ERH: variants seen among roughly 807,000 people sequenced by gnomAD.
The protein encoded by ERH is ERH mRNA splicing and mitosis factor.
In ERH, 1 loss-of-function variant was observed where a neutral mutation model predicts 16.8. The observed-to-expected ratio is 0.06, with a 90% confidence interval of 0.02 to 0.28. ERH has a LOEUF of 0.28. ERH is among the 10% of genes least tolerant of loss of function. The pLI is 1.00. For synonymous variants in ERH, 43 were observed against 43.6 expected (o/e 0.99, Z 0.05); for missense variants, 42 against 127.5 (o/e 0.33, Z 3.23).
intron 2 of ERH, among the ~76,000 whole-genome samples, chr14:69,388,544 T>G (rs932030408): frequency 2.0e-5 from 3 of 152,158 alleles, no homozygotes; most frequent in Admixed American, 1.3e-4. Flanking sequence ...GTATTTTTAG[T>G]AGAGACGGGG....
intron 3 of ERH, among the ~76,000 whole-genome samples, chr14:69,384,644 G>C (rs1420182145): frequency 6.6e-6 from 1 of 152,072 alleles, no homozygotes; most frequent in African/African-American, 2.4e-5. Flanking sequence ...GCAGAATATA[G>C]CTCTGTAATA....
chr14:69,389,935 T>C (rs1382755573), intron 2 of ERH, among the ~76,000 whole-genome samples: 1 of 152,174 alleles, frequency 6.6e-6, no homozygotes, highest in African/African-American at 2.4e-5. Flanking sequence ...ATTTTTGTAC[T>C]TTTTGGAGAG....
Position 69,380,604 on chromosome 14 carries a change from G to C in ERH, c.249C>G (p.Asn83Lys). 6.4e-7 allele frequency: 1 copy of C among 1,573,254 alleles called. No individual in the cohort carries two copies. Among genetic ancestry groups the C allele is most frequent in the South Asian group, 1.1e-5 (1 of 88,610 alleles). Residue 83 changes from asparagine to lysine, a missense_variant, in exon 4 of 4, where the codon AAC becomes AAG. Coordinates refer to ENST00000557016, the MANE Select transcript of ERH (RefSeq NM_004450.3). ...AGATCTTCTCTTTAATCCAGTCTTT[G>C]TTATAAGGCTGGTATGTCTGGGTAT... ...RADTQTYQPY[N>K]KDWIKEKIYV...
intron 2 of ERH, among the ~76,000 whole-genome samples, chr14:69,390,029 GA>G (rs1469846002): frequency 6.6e-6 from 1 of 151,856 alleles, no homozygotes; most frequent in Non-Finnish European, 1.5e-5. Context: ...AAAGTCCTGG[GA>G]TAACAGGTGT....
chr14:69,388,581 T>G lies in ERH; in HGVS notation c.92-1498A>C, dbSNP rs563506068. Among the ~76,000 whole-genome samples, 792 of 152,230 alleles carry G rather than the reference T, an allele frequency of 5.2e-3. 5 individuals are homozygous for G. The highest frequency in any genetic ancestry group is 0.01 in the Middle Eastern group (3 of 294). ...TTTACCATGTTGGCCAGGCTGATCT[T>G]GAACTCCTGACCTCAGGTGATCAGC... is the stretch of plus-strand genomic sequence containing the variant. On this transcript the variant is annotated intron_variant, in intron 2 of 3. Coordinates refer to ENST00000557016, the MANE Select transcript of ERH (RefSeq NM_004450.3).
chr14:69,388,652 G>A (rs1311717342), intron 2 of ERH, among the ~76,000 whole-genome samples: 1 of 152,028 alleles, frequency 6.6e-6, no homozygotes, highest in South Asian at 2.1e-4. Flanking sequence ...TTGAGCCATC[G>A]TGCCCGGCCT....
At chr14:69,397,203 G>T (rs1882363519) in intron 1 of ERH, among the ~76,000 whole-genome samples, 1 of 152,156 alleles carries the variant, frequency 6.6e-6, no homozygotes. Flanking sequence ...TGGTCAAGTG[G>T]TTATCATTTT....
intron 3 of ERH, among the ~76,000 whole-genome samples, chr14:69,381,365 A>C (rs774737860): frequency 1.5e-4 from 23 of 152,232 alleles, no homozygotes; most frequent in Non-Finnish European, 3.1e-4. Context: ...GGCAACAAAG[A>C]TTTCTTGCTA....
Position 69,397,494 on chromosome 14 carries a change from A to G in ERH, c.3+737T>C, listed in dbSNP as rs114017496. On this transcript the variant is annotated intron_variant, in intron 1 of 3. Coordinates refer to ENST00000557016, the MANE Select transcript of ERH (RefSeq NM_004450.3). ...CAGAGCACAGGAAAACGAAAGCTGAAAAAACACTGCAAAGCAAATACGTCC... is the reference window on the plus strand; with the variant it reads ...CAGAGCACAGGAAAACGAAAGCTGAGAAAACACTGCAAAGCAAATACGTCC... Among the ~76,000 whole-genome samples the G allele has an allele frequency of 3.0e-3, 459 of 151,888 alleles. 3 individuals are homozygous for G. The highest frequency in any genetic ancestry group is 0.011 in the African/African-American group (445 of 41,446).
chr14:69,392,286 A>AT (rs1225689233), intron 2 of ERH, among the ~76,000 whole-genome samples: 1 of 152,066 alleles, frequency 6.6e-6, no homozygotes, highest in Non-Finnish European at 1.5e-5. Flanking sequence ...TTATTTTAAC[A>AT]TTTTTTTGTT....
At chr14:69,386,247 G>A (rs2045892241) in intron 3 of ERH, among the ~76,000 whole-genome samples, 1 of 152,216 alleles carries the variant, frequency 6.6e-6, no homozygotes. Flanking sequence ...GATCCAGGAA[G>A]TGCCTATGAG....
At chr14:69,387,845 C>T (rs766132990) in intron 2 of ERH, among the ~76,000 whole-genome samples, 2 of 152,150 alleles carry the variant, frequency 1.3e-5, no homozygotes, top group Non-Finnish European at 2.9e-5. Context: ...GAGATAGAGA[C>T]CATCCTGGCC....
rs759870476 is a variant in ERH at position 69,394,915 on chromosome 14, G to A, written c.4-3C>T. 3 of 1,600,082 alleles carry A rather than the reference G, an allele frequency of 1.9e-6. No individual in the cohort carries two copies. The highest frequency in any genetic ancestry group is 2.6e-6 in the Non-Finnish European group (3 of 1,169,414). On this transcript the variant is annotated splice_region_variant and splice_polypyrimidine_tract_variant and intron_variant, in intron 1 of 3. Transcript: ENST00000557016. ...TGTACCAGCAAAATGGTGTGAGACT[G>A]CAGGGGAAAACATGATTTCAATATA...
intron 3 of ERH, among the ~76,000 whole-genome samples, chr14:69,382,924 GA>G (rs1241884822): frequency 1.3e-5 from 2 of 152,106 alleles, no homozygotes; most frequent in Non-Finnish European, 2.9e-5. Flanking sequence ...TGGCACAGAT[GA>G]ATCTTTTAAC....
At chr14:69,394,702 G>T in intron 2 of ERH, 123 bp downstream of exon 2, 1 of 575,440 alleles carries the variant, frequency 1.7e-6, no homozygotes, top group South Asian at 2.3e-5. Flanking sequence ...TAAATTTGGA[G>T]GGTTGGAAGT....
intron 2 of ERH, among the ~76,000 whole-genome samples, chr14:69,391,523 CTG>C (rs1882210634): frequency 6.6e-6 from 1 of 151,858 alleles, no homozygotes; most frequent in Admixed American, 6.6e-5. Flanking sequence ...TGGCGCAGGC[CTG>C]TAATCCCAGC....
intron 2 of ERH, among the ~76,000 whole-genome samples, chr14:69,387,421 G>C (rs555766610): frequency 2.6e-5 from 4 of 152,016 alleles, no homozygotes; most frequent in Non-Finnish European, 5.9e-5. Context: ...TTAGCCAGGC[G>C]TGATGGCGTG....
chr14:69,394,012 C>T (rs1344530264), intron 2 of ERH, among the ~76,000 whole-genome samples: 1 of 151,608 alleles, frequency 6.6e-6, no homozygotes, highest in Admixed American at 6.6e-5. Flanking sequence ...GAGCAAGACC[C>T]CGTGTCTTAA....
chr14:69,394,756 A>C, intron 2 of ERH, 69 bp downstream of exon 2: 2 of 1,186,298 alleles, frequency 1.7e-6, no homozygotes, highest in Non-Finnish European at 2.4e-6. Context: ...AAAAAAAAAA[A>C]ATTTGGAGGG....
Sources: gnomAD v4.1 joint callset for allele counts (sites outside exome capture counted in the v4.1 genomes callset) on GRCh38, gnomAD v4.1.1 for gene constraint, MANE v1.5 for transcripts, NCBI Gene and HGNC (gene_info 2026-07-23, HGNC 2026-07-21) for gene names.